Variants in KRTAP13-4 observed in about 807,000 individuals in gnomAD.
KRTAP13-4 encodes keratin associated protein 13-4.
For synonymous variants in KRTAP13-4, 80 were observed against 77.2 expected (o/e 1.04, Z -0.19); for missense variants, 198 against 189.6 (o/e 1.04, Z -0.26).
Position 30,430,562 on chromosome 21 carries a change from G to A in KRTAP13-4, c.287G>A (p.Gly96Asp), listed in dbSNP as rs144285049. The stretch of plus-strand genomic sequence containing the variant: ...CGGTCCAGCAGCTGTCGCTCCCAGG[G>A]CTATGGATCTAGGTGCTGCTACTCG... The change falls in exon 1 of 1, where the codon GGC becomes GAC. Residue 96 changes from glycine to aspartate, a missense_variant. By Grantham distance (94) the Gly-to-Asp change is moderately conservative. Transcript: ENST00000334068. 1,583 of 1,614,182 alleles carry A rather than the reference G, an allele frequency of 9.8e-4. 8 individuals are homozygous for A. The highest frequency in any genetic ancestry group is 7.7e-3 in the African/African-American group (579 of 75,036).
In KRTAP13-4 at chr21:30,430,356, C is replaced by G. The variant is rs777983403; in HGVS notation, c.81C>G (p.Ser27Arg). The G allele has an allele frequency of 1.9e-6, 3 of 1,614,120 alleles. No individual in the cohort carries two copies. The South Asian group carries it at 3.3e-5, about 18-fold the overall frequency. ...TGTACTACCCAGGCTCCTACCCCAGCAGCCTGGTCTACAGCACTGCCCTCT... is the reference window on the plus strand; with the variant it reads ...TGTACTACCCAGGCTCCTACCCCAGGAGCCTGGTCTACAGCACTGCCCTCT... Residue 27 changes from serine to arginine, a missense_variant, in exon 1 of 1, where the codon AGC (serine) becomes AGG (arginine). Coordinates refer to ENST00000334068, the Ensembl canonical transcript of KRTAP13-4.
chr21:30,430,663 A>G, exon 1 of KRTAP13-4: 1 of 1,614,238 alleles, frequency 6.2e-7, no homozygotes, highest in Non-Finnish European at 8.5e-7. Flanking sequence ...TTACGGATCC[A>G]GATTCTGCTA....
exon 1 of KRTAP13-4, chr21:30,430,482 G>C (rs1269221550): frequency 6.2e-7 from 1 of 1,614,012 alleles, no homozygotes; most frequent in Admixed American, 1.7e-5. Context: ...ACCGCCCCAG[G>C]ACCTCCATCC....
exon 1 of KRTAP13-4, chr21:30,430,239 T>C (rs1288997619): frequency 1.9e-5 from 29 of 1,535,354 alleles, no homozygotes; most frequent in Non-Finnish European, 2.2e-5. Context: ...CAGAATCTTC[T>C]TAGGTACACT....
In KRTAP13-4 at chr21:30,430,572, T is replaced by G. The variant is rs773107532; in HGVS notation, c.297T>G (p.Ser99=). The G allele has an allele frequency of 7.1e-5, 114 of 1,614,098 alleles. 1 individual carries two copies. Among genetic ancestry groups the G allele is most frequent in the South Asian group, 2.3e-4 (21 of 91,088 alleles). The change falls in exon 1 of 1, where the codon TCT becomes TCG. Residue 99 remains serine, a synonymous_variant. Transcript: ENST00000334068. ...GCTGTCGCTCCCAGGGCTATGGATC[T>G]AGGTGCTGCTACTCGCTGGGAAATG... is the stretch of plus-strand genomic sequence containing the variant.
exon 1 of KRTAP13-4, chr21:30,430,846 A>T: frequency 6.9e-7 from 1 of 1,456,110 alleles, no homozygotes; most frequent in Non-Finnish European, 9.3e-7. Context: ...ATATCTTTTT[A>T]TTCTTCCACC....
At chr21:30,430,701 G>A in the KRTAP13-4 span, 11 of 1,614,002 alleles carry the variant, frequency 6.8e-6, no homozygotes, top group Admixed American at 6.7e-5. Context: ...CTGGAGCCTG[G>A]CAGTCTTCTT....
exon 1 of KRTAP13-4, chr21:30,430,570 T>C (rs994058989): frequency 6.2e-7 from 1 of 1,614,180 alleles, no homozygotes; most frequent in Admixed American, 1.7e-5. Context: ...GGGCTATGGA[T>C]CTAGGTGCTG....
chr21:30,430,902 G>A (rs1351872597), exon 1 of KRTAP13-4: 3 of 827,944 alleles, frequency 3.6e-6, no homozygotes, highest in Non-Finnish European at 3.9e-6. Context: ...CGAAATTAAT[G>A]AGTAACCTAA....
exon 1 of KRTAP13-4, chr21:30,430,261 C>T (rs1482193292): frequency 6.3e-7 from 1 of 1,583,274 alleles, no homozygotes; most frequent in Non-Finnish European, 8.6e-7. Flanking sequence ...AGCTGAACTC[C>T]CATCTCTCAT....
the KRTAP13-4 span, chr21:30,430,440 C>A: frequency 7.4e-6 from 12 of 1,613,902 alleles, no homozygotes; most frequent in East Asian, 2.7e-4. Flanking sequence ...AGAAGACCTG[C>A]TGGGAGCCCG....
At chr21:30,430,966 T>C (rs1984448508) in exon 1 of KRTAP13-4, 1 of 483,284 alleles carries the variant, frequency 2.1e-6, no homozygotes, top group Non-Finnish European at 3.6e-6. Context: ...CTGATTTTCA[T>C]CCAAAAACTG....
chr21:30,430,580 G>A (rs1452569713), exon 1 of KRTAP13-4: 1 of 1,614,180 alleles, frequency 6.2e-7, no homozygotes, highest in African/African-American at 1.3e-5. Flanking sequence ...TCTAGGTGCT[G>A]CTACTCGCTG....
At chr21:30,430,324 G>T in exon 1 of KRTAP13-4, 1 of 1,613,616 alleles carries the variant, frequency 6.2e-7, no homozygotes, top group Non-Finnish European at 8.5e-7. Context: ...CTCCTTTGGG[G>T]GCTACCTGTA....
exon 1 of KRTAP13-4, chr21:30,430,709 C>T (rs533542495): frequency 6.2e-7 from 1 of 1,614,170 alleles, no homozygotes; most frequent in African/African-American, 1.3e-5. Flanking sequence ...TGGCAGTCTT[C>T]TTGTTACAGA....
At chr21:30,430,897 T>G in exon 1 of KRTAP13-4, 1 of 859,328 alleles carries the variant, frequency 1.2e-6, no homozygotes, top group Non-Finnish European at 1.8e-6. Flanking sequence ...GACTGCGAAA[T>G]TAATGAGTAA....
chr21:30,430,488 C>G (rs1490738178), exon 1 of KRTAP13-4: 2 of 1,614,182 alleles, frequency 1.2e-6, no homozygotes, highest in Admixed American at 1.7e-5. Flanking sequence ...CCAGGACCTC[C>G]ATCCTCTGCT....
exon 1 of KRTAP13-4, chr21:30,430,787 C>G: frequency 6.4e-7 from 1 of 1,571,442 alleles, no homozygotes; most frequent in Admixed American, 1.8e-5. Context: ...GTATTGGGAT[C>G]AAAGTCTCTA....
exon 1 of KRTAP13-4, chr21:30,430,770 C>A (rs756107144): frequency 3.8e-6 from 6 of 1,592,770 alleles, no homozygotes; most frequent in South Asian, 2.3e-5. Context: ...TTTCTAGATC[C>A]TTTTGAGTAT....
Sources: gnomAD v4.1 joint callset for allele counts on GRCh38, gnomAD v4.1.1 for gene constraint, MANE v1.5 for transcripts, NCBI Gene and HGNC (gene_info 2026-07-23, HGNC 2026-07-21) for gene names.